The following ARL13A variants were observed in gnomAD, a reference collection of about 807,000 sequenced individuals.
ARL13A encodes ARF like GTPase 13A, also known as ADP-ribosylation factor-like protein 13A.
ARL13A carries 16 observed loss-of-function variants against 19.1 expected under a neutral mutation model. The ratio of observed to expected loss-of-function variants is 0.84; its 90% CI spans 0.57 to 1.27. The LOEUF is 1.27. Among genes scored for constraint, ARL13A ranks in the 50% most tolerant of loss-of-function variants. The probability of loss-of-function intolerance (pLI) is 0.00; values close to 1 mark genes in which losing one functional copy is unlikely to be tolerated. For synonymous variants in ARL13A, 69 were observed against 71.3 expected (o/e 0.97, Z 0.17); for missense variants, 153 against 186.4 (o/e 0.82, Z 1.04).
chrX:100,973,751 A>C lies in ARL13A; in HGVS notation c.59+3A>C. On this transcript the variant is annotated splice_donor_region_variant and intron_variant, in intron 2 of 7. Coordinates refer to ENST00000450049, the MANE Select transcript of ARL13A (RefSeq NM_001162491.2). ...AGGACAACAGAAGAGACACGAAGGT[A>C]ATATTACAATTATTTCCCTAGGCCT... 1 of 1,209,170 alleles carries C rather than the reference A, an allele frequency of 8.3e-7. No homozygotes were observed. Among genetic ancestry groups the C allele is most frequent in the Non-Finnish European group, 1.1e-6 (1 of 893,111 alleles).
intron 7 of ARL13A, chrX:100,988,640 C>G: frequency 5.2e-6 from 4 of 767,856 alleles, no homozygotes; most frequent in Non-Finnish European, 6.6e-6. Context: ...CAATTTTGAG[C>G]CTGAATTTCT....
intron 6 of ARL13A, 37 bp downstream of exon 6, chrX:100,987,593 A>G: frequency 8.4e-7 from 1 of 1,192,371 alleles, no homozygotes. Flanking sequence ...CTGATAAGAA[A>G]AGCTGCAGGG....
chrX:100,982,195 C>T (rs1476134894), intron 3 of ARL13A, among the ~76,000 whole-genome samples: 1 of 110,979 alleles, frequency 9.0e-6, no homozygotes, highest in Non-Finnish European at 1.9e-5. Flanking sequence ...CTTGAGAGAA[C>T]GAGGCCTGGA....
In ARL13A at chrX:100,987,406, T is replaced by G. The variant is rs764166232; in HGVS notation, c.503T>G (p.Ile168Ser). Residue 168 changes from isoleucine to serine, a missense_variant, in exon 6 of 8, where the codon ATC becomes AGC. Ile to Ser is a moderately radical substitution (Grantham distance 142). Coordinates refer to ENST00000450049, the MANE Select transcript of ARL13A (RefSeq NM_001162491.2). Reference sequence around the variant, plus strand: ...TTGTCACAGGAGCCATGTTCAGCCATCAGAAACCTTGAAAGAAGAAACCAT... The same window carrying G: ...TTGTCACAGGAGCCATGTTCAGCCAGCAGAAACCTTGAAAGAAGAAACCAT... ...CPCRVEPCSA[I>S]RNLERRNHQP... 6.6e-6 allele frequency: 8 copies of G among 1,210,455 alleles called. No individual in the cohort carries two copies. Among genetic ancestry groups the G allele is most frequent in the Non-Finnish European group, 8.9e-6 (8 of 895,269 alleles).
At position 100,987,300 on chromosome X, in the gene ARL13A, C is replaced by A. The variant is rs1602467655; in HGVS notation, c.487-90C>A. 4 of 942,112 alleles carry A rather than the reference C, an allele frequency of 4.2e-6. 1 individual carries two copies. The Admixed American group carries it at 9.4e-5, about 22-fold the overall frequency. 77.6% of individuals were successfully genotyped at this position (942,112 alleles called of 1,213,427 possible). On this transcript the variant is annotated intron_variant, in intron 5 of 7. Coordinates refer to ENST00000450049, the MANE Select transcript of ARL13A (RefSeq NM_001162491.2). ...CTAGGCATAGCAGAGTTTATGTGTT[C>A]CTTCACTCTTTGAATGAGAGTGACT...
At chrX:100,990,191 G>A in intron 7 of ARL13A, 1 of 202,203 alleles carries the variant, frequency 4.9e-6, no homozygotes, top group Non-Finnish European at 7.5e-6. Context: ...CAGGGCAGAG[G>A]ATGGGCACCT....
At chrX:100,989,467 G>A (rs974662556) in intron 7 of ARL13A, among the ~76,000 whole-genome samples, 3 of 109,892 alleles carry the variant, frequency 2.7e-5, no homozygotes, top group African/African-American at 6.6e-5. Flanking sequence ...AAAATTAGTC[G>A]GGCATGGTGG....
chrX:100,975,451 T>C (rs1324432270), intron 3 of ARL13A, among the ~76,000 whole-genome samples: 1 of 111,409 alleles, frequency 9.0e-6, no homozygotes, highest in Non-Finnish European at 1.9e-5. Context: ...CATCAGGCAA[T>C]TGCAAGTCCA....
chrX:100,971,699 C>T (rs2085651740), intron 1 of ARL13A, among the ~76,000 whole-genome samples: 1 of 38,127 alleles, frequency 2.6e-5, no homozygotes, highest in African/African-American at 1.4e-4. Context: ...TTATGAGTTT[C>T]TATTGCAGCT....
chrX:100,980,828 G>A (rs899624169), intron 3 of ARL13A, among the ~76,000 whole-genome samples: 2 of 111,300 alleles, frequency 1.8e-5, no homozygotes, highest in Non-Finnish European at 3.8e-5. Flanking sequence ...GTCAAGACTG[G>A]GTCCTTCCTT....
chrX:100,990,376 CAG>C, intron 7 of ARL13A, 184 bp from the exon 8 acceptor site: 1 of 930,421 alleles, frequency 1.1e-6, no homozygotes, highest in Non-Finnish European at 1.3e-6. Context: ...AAGAGAAAAA[CAG>C]AGGGAAACCA....
chrX:100,982,315 A>AC (rs201147602), intron 3 of ARL13A, among the ~76,000 whole-genome samples: 7,782 of 109,157 alleles, frequency 0.071, 489 homozygotes, highest in East Asian at 0.45. Flanking sequence ...ACATGGTGAA[A>AC]CCCCCGTCTC....
chrX:100,977,653 T>TTA (rs1335382210), intron 3 of ARL13A, among the ~76,000 whole-genome samples: 7 of 111,734 alleles, frequency 6.3e-5, no homozygotes, highest in Admixed American at 1.9e-4. Flanking sequence ...AGTGCTGGGA[T>TTA]TATAGGCATG....
intron 3 of ARL13A, among the ~76,000 whole-genome samples, chrX:100,981,815 A>G (rs1840672513): frequency 9.4e-6 from 1 of 106,186 alleles, no homozygotes; most frequent in Non-Finnish European, 1.9e-5. Context: ...TCTCAAAAAA[A>G]GAAAAAAATA....
chrX:100,988,228 G>T lies in ARL13A; in HGVS notation c.689G>T (p.Arg230Ile). The change falls in exon 7 of 8, where the codon AGA (arginine) becomes ATA (isoleucine). Residue 230 changes from arginine (R) to isoleucine (I), a missense_variant. Coordinates refer to ENST00000450049, the MANE Select transcript of ARL13A (RefSeq NM_001162491.2). The stretch of plus-strand genomic sequence containing the variant: ...AGAACAGGAATGTCAAAGGAGAAAA[G>T]ACAGCATCTAGAACAATGCTCAATC... ...STRTGMSKEK[R>I]QHLEQCSIEA... is the part of the protein sequence containing the mutation. 1.7e-6 allele frequency: 2 copies of T among 1,208,973 alleles called. No individual in the cohort carries two copies. The highest frequency in any genetic ancestry group is 2.2e-6 in the Non-Finnish European group (2 of 894,240).
intron 6 of ARL13A, among the ~76,000 whole-genome samples, 161 bp downstream of exon 6, chrX:100,987,717 C>T (rs1318348079): frequency 8.9e-6 from 1 of 111,830 alleles, no homozygotes; most frequent in Non-Finnish European, 1.9e-5. Flanking sequence ...CCCACCAACA[C>T]TCCAACATTG....
chrX:100,980,886 A>T (rs1350051693), intron 3 of ARL13A, among the ~76,000 whole-genome samples: 1 of 111,523 alleles, frequency 9.0e-6, no homozygotes, highest in Admixed American at 9.5e-5. Context: ...TAGAAATGTC[A>T]TCGGGGAGCC....
At chrX:100,986,748 G>T in intron 4 of ARL13A, 48 bp from the exon 5 acceptor site, 1 of 882,792 alleles carries the variant, frequency 1.1e-6, no homozygotes, top group Non-Finnish European at 1.6e-6. Context: ...CTTCTGTTTT[G>T]GTTTCACTCT....
chrX:100,978,331 G>T (rs1015437267), intron 3 of ARL13A, among the ~76,000 whole-genome samples: 1 of 111,466 alleles, frequency 9.0e-6, no homozygotes, highest in African/African-American at 3.3e-5. Context: ...TGCTGTATTG[G>T]GGTCTATCTC....
Sources: allele counts gnomAD v4.1 joint callset (sites outside exome capture counted in the v4.1 genomes callset), GRCh38; gene constraint gnomAD v4.1.1; transcripts MANE v1.5; gene names NCBI Gene and HGNC (gene_info 2026-07-23, HGNC 2026-07-21).